Variants in ADGRF5 observed in about 807,000 individuals in gnomAD.
The protein encoded by ADGRF5 is adhesion G protein-coupled receptor F5.
In ADGRF5, 75 loss-of-function variants were observed where a neutral mutation model predicts 132.3. The observed-to-expected ratio is 0.57, with a 90% CI of 0.47 to 0.69. The LOEUF is 0.69. Among genes scored for constraint, ADGRF5 ranks in the 30% least tolerant of loss-of-function variants. ADGRF5 has a pLI of 0.00. For missense variants in ADGRF5, 1,516 were observed against 1,630.6 expected (o/e 0.93, Z 1.21); for synonymous variants, 629 against 597.6 (o/e 1.05, Z -0.77).
upstream of ADGRF5, among the ~76,000 whole-genome samples, chr6:46,925,695 TG>T (rs1777212663): frequency 6.6e-6 from 1 of 152,224 alleles, no homozygotes; most frequent in Admixed American, 6.5e-5. Flanking sequence ...AGGCAGAGGT[TG>T]CTGTGAGCCA....
At chr6:46,953,649 GTGTATATATATATATATATATA>G (rs1276067191) in intron 1 of ADGRF5, among the ~76,000 whole-genome samples, 26 of 91,494 alleles carry the variant, frequency 2.8e-4, no homozygotes, top group African/African-American at 1.1e-3. Flanking sequence ...ATAGATATAT[GTGTATATATATATATATATATA>G]TATATATATA....
At chr6:46,882,460 A>G (rs1413575720) in intron 6 of ADGRF5, among the ~76,000 whole-genome samples, 1 of 152,246 alleles carries the variant, frequency 6.6e-6, no homozygotes, top group Non-Finnish European at 1.5e-5. Context: ...GGAAATGTTC[A>G]ATAAAGCCTT....
intron 11 of ADGRF5, among the ~76,000 whole-genome samples, chr6:46,869,831 A>C (rs1336754705): frequency 1.3e-5 from 2 of 152,234 alleles, no homozygotes; most frequent in African/African-American, 4.8e-5. Flanking sequence ...CCTTAATTAT[A>C]ACTATATAAC....
Position 46,906,775 on chromosome 6 carries a change from G to T in ADGRF5, c.-13C>A. ...TTGGGGATTTCATGTCTTCAAGTTT[G>T]AGTTGGTTGGCCTGAAATGGAAATA... On this transcript the variant is annotated 5_prime_UTR_variant, in exon 2 of 21. Transcript: ENST00000283296. 1.4e-6 allele frequency: 2 copies of T among 1,398,230 alleles called. No individual in the cohort carries two copies. The highest frequency in any genetic ancestry group is 2.0e-6 in the Non-Finnish European group (2 of 983,496). The allele number at this position is 1,398,230 out of a possible 1,614,324, so 86.6% of individuals were successfully genotyped here. A position where few individuals can be genotyped will look rare whatever the true frequency, so the allele number is the denominator to read the frequency against.
chr6:46,933,026 C>A (rs1012066222), intron 1 of ADGRF5, among the ~76,000 whole-genome samples: 1 of 152,088 alleles, frequency 6.6e-6, no homozygotes. Flanking sequence ...AGGAGAAGCA[C>A]AAAGTTGGAG....
rs1429402983 is a variant in ADGRF5 at position 46,936,767 on chromosome 6, C to T, written c.-25+17967G>A. ...AGCCCCGCACTCTACTGTGCCTTGT[C>T]CTCTGGGAGGGTGATGGAAGGTAGG... On this transcript the variant is annotated intron_variant, in intron 1 of 20. Coordinates refer to the ADGRF5 transcript ENST00000265417. 3.3e-5 allele frequency among the ~76,000 whole-genome samples: 5 copies of T among 152,280 alleles called. No individual in the cohort carries two copies. In the South Asian group the frequency reaches 8.3e-4, roughly 25 times the overall value.
chr6:46,875,568 G>A (rs1771561798), intron 10 of ADGRF5, among the ~76,000 whole-genome samples: 1 of 152,020 alleles, frequency 6.6e-6, no homozygotes, highest in Non-Finnish European at 1.5e-5. Context: ...GTGGAGGTCA[G>A]GGGTTCGAGA....
intron 3 of ADGRF5, among the ~76,000 whole-genome samples, chr6:46,899,677 G>GC (rs1554207051): frequency 1.4e-5 from 2 of 144,578 alleles, no homozygotes; most frequent in Non-Finnish European, 3.0e-5. Flanking sequence ...TGTTTGTTTT[G>GC]TTTTTTTTTT....
chr6:46,947,014 T>G (rs1163845048), intron 1 of ADGRF5, among the ~76,000 whole-genome samples: 1 of 152,232 alleles, frequency 6.6e-6, no homozygotes, highest in Non-Finnish European at 1.5e-5. Context: ...CACTCTCATT[T>G]GCAACACGTT....
intron 1 of ADGRF5, among the ~76,000 whole-genome samples, chr6:46,945,211 T>C (rs756856624): frequency 5.3e-5 from 8 of 152,248 alleles, no homozygotes; most frequent in Non-Finnish European, 1.2e-4. Context: ...ATTTCTGCTT[T>C]TAAACAGGAC....
chr6:46,860,636 G>T (rs2150784797), intron 16 of ADGRF5, 79 bp downstream of exon 16: 2 of 996,766 alleles, frequency 2.0e-6, no homozygotes, highest in East Asian at 2.4e-5. Flanking sequence ...CAATGGGGAG[G>T]AATTACGTTT....
At chr6:46,948,762 A>G (rs146146273) in intron 1 of ADGRF5, among the ~76,000 whole-genome samples, 1 of 152,222 alleles carries the variant, frequency 6.6e-6, no homozygotes, top group African/African-American at 2.4e-5. Flanking sequence ...ATGACTACTC[A>G]TTTGCATCTG....
chr6:46,911,852 G>A (rs1029168809), intron 1 of ADGRF5, among the ~76,000 whole-genome samples: 1 of 152,106 alleles, frequency 6.6e-6, no homozygotes, highest in Non-Finnish European at 1.5e-5. Flanking sequence ...GAAGCTTAAA[G>A]TCTAATGAAG....
chr6:46,868,815 A>G lies in ADGRF5; in HGVS notation c.1621+68T>C, dbSNP rs145340489. The G allele has an allele frequency of 6.0e-5, 58 of 973,942 alleles. 1 individual carries two copies. In the Middle Eastern group the frequency reaches 1.3e-3, roughly 23 times the overall value. 60.3% of individuals were successfully genotyped at this position (973,942 alleles called of 1,614,324 possible). ...ATGTCTCAAAGAAGACCCTACACAG[A>G]TGGTAACTATTATTGCATGTTTCCA... On this transcript the variant is annotated intron_variant, in intron 12 of 20. Transcript: ENST00000283296.
At chr6:46,903,692 C>T (rs993191103) in intron 2 of ADGRF5, 2 of 152,098 alleles carry the variant, frequency 1.3e-5, no homozygotes, top group South Asian at 2.1e-4. Context: ...CTTCTGTGTT[C>T]GAAAACTGTC....
intron 17 of ADGRF5, among the ~76,000 whole-genome samples, 175 bp from the exon 18 acceptor site, chr6:46,857,083 G>A (rs779512894): frequency 3.3e-5 from 5 of 152,144 alleles, no homozygotes; most frequent in Non-Finnish European, 7.3e-5. Flanking sequence ...CCACACCAAG[G>A]GACTCTAAAT....
At chr6:46,912,964 C>T (rs953795191) in intron 1 of ADGRF5, among the ~76,000 whole-genome samples, 1 of 152,194 alleles carries the variant, frequency 6.6e-6, no homozygotes, top group African/African-American at 2.4e-5. Flanking sequence ...AAGACTGTGT[C>T]TTGTTACAGT....
intron 15 of ADGRF5, among the ~76,000 whole-genome samples, chr6:46,861,894 C>A (rs1235340457): frequency 1.3e-5 from 2 of 151,554 alleles, no homozygotes; most frequent in Non-Finnish European, 2.9e-5. Flanking sequence ...TAATTTATAT[C>A]TCTCATGCCT....
In ADGRF5 at chr6:46,890,040, A is replaced by G. The variant is rs180908129; in HGVS notation, c.158-1535T>C. ...ATAACTGAAGCCATGGCCACAGTTAATACTTAATAAAGAATCTTCAAGGAA... is the reference window on the plus strand; with the variant it reads ...ATAACTGAAGCCATGGCCACAGTTAGTACTTAATAAAGAATCTTCAAGGAA... On this transcript the variant is annotated intron_variant, in intron 3 of 20. Coordinates refer to ENST00000283296, the MANE Select transcript of ADGRF5 (RefSeq NM_001098518.2). 9.2e-5 allele frequency among the ~76,000 whole-genome samples: 14 copies of G among 152,230 alleles called. No individual in the cohort carries two copies. In the East Asian group the frequency reaches 2.5e-3, roughly 27 times the overall value.
Sources: allele counts gnomAD v4.1 joint callset (sites outside exome capture counted in the v4.1 genomes callset), GRCh38; gene constraint gnomAD v4.1.1; transcripts MANE v1.5; gene names NCBI Gene and HGNC (gene_info 2026-07-23, HGNC 2026-07-21).